The following WDR25 variants were observed in gnomAD, a reference collection of about 807,000 sequenced individuals.
WDR25 encodes the protein WD repeat domain 25.
Under a neutral mutation model 47.7 loss-of-function variants are expected in WDR25, and 35 were observed. The ratio of observed to expected loss-of-function variants is 0.73; its 90% CI spans 0.56 to 0.97. The LOEUF (loss-of-function observed/expected upper bound fraction) is 0.97. Ranked by LOEUF, WDR25 falls within the 50% of genes least tolerant of loss-of-function variation. WDR25 has a pLI of 0.00. For missense variants in WDR25, 634 were observed against 704.7 expected (o/e 0.90, Z 1.14); for synonymous variants, 248 against 278.9 (o/e 0.89, Z 1.10).
At chr14:100,445,736 C>T (rs896247739) in intron 2 of WDR25, among the ~76,000 whole-genome samples, 3 of 152,148 alleles carry the variant, frequency 2.0e-5, no homozygotes, top group Non-Finnish European at 2.9e-5. Context: ...TCCGACCTCC[C>T]TGTAGGAGGA....
intron 2 of WDR25, among the ~76,000 whole-genome samples, chr14:100,463,063 CCT>C (rs1243285813): frequency 2.0e-5 from 3 of 146,934 alleles, no homozygotes; most frequent in African/African-American, 2.5e-5. Flanking sequence ...TTCACCCCTT[CCT>C]CTCCCCCTGC....
chr14:100,499,445 C>T lies in WDR25; in HGVS notation c.1101+15321C>T, dbSNP rs1028317768. Among the ~76,000 whole-genome samples, 2 of 152,302 alleles carry T rather than the reference C, an allele frequency of 1.3e-5. No homozygotes were observed. The highest frequency in any genetic ancestry group is 2.1e-4 in the South Asian group (1 of 4,822). On this transcript the variant is annotated intron_variant, in intron 4 of 6. Transcript: ENST00000402312. This position sits in a 1 kb window ranked among gnomAD's most constrained non-coding sequence, Gnocchi z 4.4. The stretch of plus-strand genomic sequence containing the variant: ...AATAATTCTTAAACGCAGAATTAGT[C>T]GAAAGGTAAGCATGGTTTTTAGGTT...
At chr14:100,455,863 A>G (rs966719445) in intron 2 of WDR25, among the ~76,000 whole-genome samples, 1 of 152,216 alleles carries the variant, frequency 6.6e-6, no homozygotes, top group African/African-American at 2.4e-5. Flanking sequence ...TGGCTCACCC[A>G]CAAAACAAAT....
At chr14:100,519,745 A>ATATATATAGTATATATAC (rs1901638659) in intron 4 of WDR25, among the ~76,000 whole-genome samples, 1 of 128,536 alleles carries the variant, frequency 7.8e-6, no homozygotes, top group African/African-American at 3.8e-5. Context: ...TATATATAGT[A>ATATATATAGTATATATAC]TATATATAGT....
chr14:100,465,423 T>C (rs988917644), intron 2 of WDR25, among the ~76,000 whole-genome samples: 4 of 152,230 alleles, frequency 2.6e-5, no homozygotes, highest in Non-Finnish European at 5.9e-5. Flanking sequence ...TGATTTTGAC[T>C]ACTCTGGGTA....
chr14:100,527,547 C>G (rs2030246311), intron 5 of WDR25, among the ~76,000 whole-genome samples: 1 of 152,262 alleles, frequency 6.6e-6, no homozygotes, highest in African/African-American at 2.4e-5. Flanking sequence ...AGCAAACCCA[C>G]TTCTAGACCT....
chr14:100,477,908 G>A (rs544269757), intron 3 of WDR25, among the ~76,000 whole-genome samples: 37 of 152,158 alleles, frequency 2.4e-4, no homozygotes, highest in African/African-American at 7.5e-4. Flanking sequence ...TGGCTAACAC[G>A]GTGAAACCCC....
rs1266568161 is a variant in WDR25 at position 100,430,118 on chromosome 14, G to T, written c.823-37903G>T. Among the ~76,000 whole-genome samples, 1 of 151,570 alleles carries T rather than the reference G, an allele frequency of 6.6e-6. No homozygotes were observed. The highest frequency in any genetic ancestry group is 2.4e-5 in the African/African-American group (1 of 41,212). ...AGATGAGATGGACTTGGCCCCAGAGGCTCTAGGCAAATCTTGCAGACCAAG... is the reference window on the plus strand; with the variant it reads ...AGATGAGATGGACTTGGCCCCAGAGTCTCTAGGCAAATCTTGCAGACCAAG... On this transcript the variant is annotated intron_variant, in intron 2 of 6. Coordinates refer to ENST00000402312, the MANE Select transcript of WDR25 (RefSeq NM_001161476.3). This position sits in a 1 kb window ranked among gnomAD's most constrained non-coding sequence, Gnocchi z 4.7.
At chr14:100,513,567 C>T (rs938848656) in intron 4 of WDR25, among the ~76,000 whole-genome samples, 3 of 152,226 alleles carry the variant, frequency 2.0e-5, no homozygotes, top group Non-Finnish European at 2.9e-5. Context: ...GATTTGTCTA[C>T]TTCCTTTTTC....
chr14:100,416,189 G>A (rs181736879), intron 2 of WDR25, among the ~76,000 whole-genome samples: 1 of 152,284 alleles, frequency 6.6e-6, no homozygotes, highest in Admixed American at 6.5e-5. Flanking sequence ...CCTCGCTGCC[G>A]TTTGGTTTCT....
intron 1 of WDR25, among the ~76,000 whole-genome samples, chr14:100,377,292 A>AGTTGTTGTTGTTGTTGTT (rs56705876): frequency 4.1e-4 from 62 of 151,420 alleles, no homozygotes; most frequent in African/African-American, 1.2e-3. Flanking sequence ...TGGCTTTAGA[A>AGTTGTTGTTGTTGTTGTT]GTTGTTGTTG....
chr14:100,509,120 T>C (rs1435819068), intron 4 of WDR25, among the ~76,000 whole-genome samples: 2 of 152,206 alleles, frequency 1.3e-5, no homozygotes, highest in Non-Finnish European at 2.9e-5. Context: ...TCTCTACTTA[T>C]GTTTTTGAAT....
At chr14:100,514,215 C>G (rs1341817182) in intron 4 of WDR25, among the ~76,000 whole-genome samples, 2 of 152,160 alleles carry the variant, frequency 1.3e-5, no homozygotes, top group Non-Finnish European at 2.9e-5. Context: ...GGATTACAAG[C>G]GTGAGCCACC....
At chr14:100,518,082 A>T (rs889850898) in intron 4 of WDR25, among the ~76,000 whole-genome samples, 2 of 152,108 alleles carry the variant, frequency 1.3e-5, no homozygotes, top group African/African-American at 4.8e-5. Context: ...CTGTTCCTTC[A>T]TCCCTGAAGC....
intron 4 of WDR25, among the ~76,000 whole-genome samples, chr14:100,508,871 A>G (rs1289097887): frequency 1.3e-5 from 2 of 152,096 alleles, no homozygotes; most frequent in Non-Finnish European, 2.9e-5. Flanking sequence ...ATGTTTTCCT[A>G]TGTTCTGCTA....
rs140903372 is a variant in WDR25, at chr14:100,397,240, C to T, written c.822+15494C>T. On this transcript the variant is annotated intron_variant, in intron 2 of 6. Transcript: ENST00000402312. Reference sequence around the variant, plus strand: ...TTGGAAAGCTTTTCAGCTTCTCGGTCGGAAGAGGATACTTGTACAGTGCGT... The same window carrying T: ...TTGGAAAGCTTTTCAGCTTCTCGGTTGGAAGAGGATACTTGTACAGTGCGT... Among the ~76,000 whole-genome samples, 99 of 152,246 alleles carry T rather than the reference C, an allele frequency of 6.5e-4. 1 individual carries two copies. Among genetic ancestry groups the T allele is most frequent in the African/African-American group, 1.6e-3 (67 of 41,550 alleles).
chr14:100,408,870 C>T (rs372416472), intron 2 of WDR25, among the ~76,000 whole-genome samples: 9 of 152,142 alleles, frequency 5.9e-5, no homozygotes, highest in African/African-American at 1.9e-4. Context: ...AATGTATGCT[C>T]ATTGTAGAAA....
intron 3 of WDR25, among the ~76,000 whole-genome samples, chr14:100,483,630 G>A (rs111995489): frequency 0.021 from 3,214 of 152,344 alleles, 42 homozygotes; most frequent in Middle Eastern, 0.051. Flanking sequence ...AATGTTCCAT[G>A]ACCTCCCTGG....
At chr14:100,422,628 GCGACCA>G (rs1217963833) in intron 2 of WDR25, among the ~76,000 whole-genome samples, 2 of 152,210 alleles carry the variant, frequency 1.3e-5, no homozygotes, top group Non-Finnish European at 2.9e-5. Flanking sequence ...CCTCTTTGAC[GCGACCA>G]CATGTTGCCA....
Sources: gnomAD v4.1 joint callset for allele counts (sites outside exome capture counted in the v4.1 genomes callset) on GRCh38, gnomAD v4.1.1 for gene constraint, Gnocchi (gnomAD v3.1) non-coding constraint, MANE v1.5 for transcripts, NCBI Gene and HGNC (gene_info 2026-07-23, HGNC 2026-07-21) for gene names.